CACNA1A: variants seen among roughly 807,000 people sequenced by gnomAD.
CACNA1A encodes the protein voltage-dependent P/Q-type calcium channel subunit alpha-1A.
A neutral mutation model predicts 262.4 loss-of-function variants in CACNA1A; 57 were observed. The ratio of observed to expected loss-of-function variants is 0.22; its 90% CI spans 0.18 to 0.27. The LOEUF (loss-of-function observed/expected upper bound fraction) is 0.27, where lower values mean the gene tolerates loss of function less well. Ranked by LOEUF, CACNA1A falls within the 10% of genes least tolerant of loss-of-function variation. The pLI is 1.00. For synonymous variants in CACNA1A, 1,431 were observed against 1,419.3 expected (o/e 1.01, Z -0.18); for missense variants, 2,526 against 3,562.8 (o/e 0.71, Z 7.41).
rs1329374886 is a variant in CACNA1A, at chr19:13,334,573, G to A, written c.1083-80C>T. On this transcript the variant is annotated intron_variant, in intron 7 of 46. Transcript: ENST00000360228. Reference sequence around the variant, plus strand: ...TTTGTGTGTGTGTTTGTGTGTGTGTGTGTGTGTGTGTGTGTGTGTTTGTGT... The same window carrying A: ...TTTGTGTGTGTGTTTGTGTGTGTGTATGTGTGTGTGTGTGTGTGTTTGTGT... The A allele has an allele frequency of 4.5e-6, 3 of 662,240 alleles. No individual in the cohort carries two copies. In the Admixed American group the frequency reaches 6.9e-5, roughly 15 times the overall value. 41.0% of individuals were successfully genotyped at this position (662,240 alleles called of 1,614,324 possible). A position where few individuals can be genotyped will look rare whatever the true frequency, so the allele number is the denominator to read the frequency against.
intron 1 of CACNA1A, among the ~76,000 whole-genome samples, chr19:13,467,454 C>T (rs943596302): frequency 1.3e-5 from 2 of 152,028 alleles, no homozygotes; most frequent in African/African-American, 4.8e-5. Context: ...GCACTCCAGC[C>T]TGGGTGACAC....
At chr19:13,403,211 C>T (rs1028037785) in intron 3 of CACNA1A, among the ~76,000 whole-genome samples, 1 of 151,942 alleles carries the variant, frequency 6.6e-6, no homozygotes, top group African/African-American at 2.4e-5. Context: ...GTCTCCTCAT[C>T]ACCTAGAATA....
intron 1 of CACNA1A, among the ~76,000 whole-genome samples, chr19:13,487,461 CAGA>C (rs1246586371): frequency 6.6e-6 from 1 of 151,960 alleles, no homozygotes; most frequent in Non-Finnish European, 1.5e-5. Context: ...TCTATACAGA[CAGA>C]AGATTAGTAG....
chr19:13,428,933 A>G (rs1380100505), intron 3 of CACNA1A, among the ~76,000 whole-genome samples: 1 of 152,066 alleles, frequency 6.6e-6, no homozygotes, highest in African/African-American at 2.4e-5. Context: ...TGTTCTCAGA[A>G]TGGCCTTGAG....
intron 1 of CACNA1A, among the ~76,000 whole-genome samples, chr19:13,471,639 A>G (rs2061348538): frequency 6.6e-6 from 1 of 152,236 alleles, no homozygotes; most frequent in African/African-American, 2.4e-5. Flanking sequence ...GAGAGAAGCC[A>G]GGGCATTATG....
At chr19:13,478,693 G>C (rs1211687912) in intron 1 of CACNA1A, among the ~76,000 whole-genome samples, 4 of 152,146 alleles carry the variant, frequency 2.6e-5, no homozygotes, top group Non-Finnish European at 5.9e-5. Flanking sequence ...TGTTCATAAT[G>C]GCCCAAACGA....
chr19:13,262,067 G>A (rs1221688094), intron 25 of CACNA1A: 3 of 160,722 alleles, frequency 1.9e-5, no homozygotes, highest in African/African-American at 2.4e-5. Flanking sequence ...AACAGTATCT[G>A]TTTTCTGTCT....
intron 4 of CACNA1A, 182 bp from the exon 5 acceptor site, chr19:13,365,651 T>A (rs146264163): frequency 1.9e-6 from 1 of 533,100 alleles, no homozygotes; most frequent in Non-Finnish European, 3.3e-6. Flanking sequence ...ATCCTTATCA[T>A]GGGAACAACA....
At chr19:13,316,570 A>AAAAAG (rs59446181) in intron 11 of CACNA1A, 1 of 149,984 alleles carries the variant, frequency 6.7e-6, no homozygotes, top group African/African-American at 2.5e-5. Flanking sequence ...AAAAAAAAAA[A>AAAAAG]GGCAAAAAAC....
intron 1 of CACNA1A, among the ~76,000 whole-genome samples, chr19:13,482,650 C>G (rs917973853): frequency 6.6e-6 from 1 of 152,168 alleles, no homozygotes; most frequent in African/African-American, 2.4e-5. Flanking sequence ...TGGGTATTGG[C>G]TGTCTTCCAT....
At chr19:13,359,110 C>T (rs1160015953) in intron 6 of CACNA1A, among the ~76,000 whole-genome samples, 1 of 152,154 alleles carries the variant, frequency 6.6e-6, no homozygotes, top group Non-Finnish European at 1.5e-5. Context: ...CAGGGAATTC[C>T]AGGATCCTGG....
At chr19:13,320,534 G>A (rs1035643833) in intron 10 of CACNA1A, among the ~76,000 whole-genome samples, 9 of 152,126 alleles carry the variant, frequency 5.9e-5, no homozygotes, top group South Asian at 2.1e-4. Context: ...CTAGGTTCAC[G>A]TGCCAGCCAT....
At chr19:13,425,812 T>C (rs1337749861) in intron 3 of CACNA1A, among the ~76,000 whole-genome samples, 3 of 152,046 alleles carry the variant, frequency 2.0e-5, no homozygotes, top group Non-Finnish European at 4.4e-5. Flanking sequence ...TCCCAGCACT[T>C]TGGGGGGCCG....
intron 10 of CACNA1A, among the ~76,000 whole-genome samples, chr19:13,329,014 A>T (rs1034800434): frequency 6.6e-6 from 1 of 151,942 alleles, no homozygotes; most frequent in Non-Finnish European, 1.5e-5. Context: ...CCTCAATCTT[A>T]TTCCAGTCTT....
chr19:13,460,006 C>T (rs1212718215), intron 1 of CACNA1A, among the ~76,000 whole-genome samples: 1 of 152,168 alleles, frequency 6.6e-6, no homozygotes. Context: ...CATTTTCTTA[C>T]TTCTTATCAA....
chr19:13,281,673 G>A (rs949008774), intron 22 of CACNA1A, among the ~76,000 whole-genome samples: 17 of 152,280 alleles, frequency 1.1e-4, no homozygotes, highest in Non-Finnish European at 1.6e-4. Context: ...GAAAGAAGGC[G>A]GTGGGGGTGG....
chr19:13,222,617 G>T (rs1330262507), intron 38 of CACNA1A, among the ~76,000 whole-genome samples: 1 of 150,464 alleles, frequency 6.6e-6, no homozygotes, highest in Non-Finnish European at 1.5e-5. Context: ...GGATGGTCTC[G>T]ATTTCTTGAC....
intron 3 of CACNA1A, among the ~76,000 whole-genome samples, chr19:13,413,630 A>G (rs1473559070): frequency 6.7e-6 from 1 of 148,582 alleles, no homozygotes; most frequent in Non-Finnish European, 1.5e-5. Flanking sequence ...GTTAATCCCA[A>G]CACTTTGGGA....
intron 10 of CACNA1A, among the ~76,000 whole-genome samples, chr19:13,325,548 C>T (rs1199491453): frequency 6.6e-6 from 1 of 152,186 alleles, no homozygotes; most frequent in Non-Finnish European, 1.5e-5. Flanking sequence ...TTAAGTGATG[C>T]CTCTGCCTCC....
Sources: gnomAD v4.1 joint callset for allele counts (sites outside exome capture counted in the v4.1 genomes callset) on GRCh38, gnomAD v4.1.1 for gene constraint, MANE v1.5 for transcripts, NCBI Gene and HGNC (gene_info 2026-07-23, HGNC 2026-07-21) for gene names.